The following STAU2 variants were observed in gnomAD, a reference collection of about 807,000 sequenced individuals.
The protein encoded by STAU2 is staufen double-stranded RNA binding protein 2.
STAU2 carries 20 observed loss-of-function variants against 65.9 expected under a neutral mutation model. The observed-to-expected ratio is 0.30, with a 90% CI of 0.21 to 0.44. The LOEUF is 0.44. Among genes scored for constraint, STAU2 ranks in the 20% least tolerant of loss-of-function variants. The pLI is 1.00. For synonymous variants in STAU2, 232 were observed against 233.9 expected (o/e 0.99, Z 0.07); for missense variants, 558 against 683.9 (o/e 0.82, Z 2.05).
intron 13 of STAU2, among the ~76,000 whole-genome samples, chr8:73,515,773 CTTTTTTTTTTT>C (rs75132374): frequency 0.049 from 4,496 of 91,038 alleles, 254 homozygotes; most frequent in Admixed American, 0.21. Flanking sequence ...AAAAATTTCT[CTTTTTTTTTTT>C]TTTTTTTTTT....
At chr8:73,651,891 A>T (rs1359059163) in intron 6 of STAU2, among the ~76,000 whole-genome samples, 1 of 152,206 alleles carries the variant, frequency 6.6e-6, no homozygotes, top group Non-Finnish European at 1.5e-5. Flanking sequence ...TTGTGGAGGC[A>T]CCTCTCACCC....
intron 9 of STAU2, among the ~76,000 whole-genome samples, chr8:73,608,344 A>G (rs977940128): frequency 6.6e-6 from 1 of 152,086 alleles, no homozygotes; most frequent in Non-Finnish European, 1.5e-5. Context: ...ACAGTGGCTC[A>G]CTCCTGTAAT....
At chr8:73,612,606 C>T (rs1812557472) in intron 9 of STAU2, among the ~76,000 whole-genome samples, 1 of 152,154 alleles carries the variant, frequency 6.6e-6, no homozygotes, top group African/African-American at 2.4e-5. Context: ...TTACCTACTA[C>T]ATCTTCTAAG....
At chr8:73,464,245 C>T (rs1209928606) in intron 13 of STAU2, among the ~76,000 whole-genome samples, 2 of 152,172 alleles carry the variant, frequency 1.3e-5, no homozygotes, top group African/African-American at 4.8e-5. Context: ...ACCCAATCTT[C>T]TAAGCTCACG....
intron 4 of STAU2, among the ~76,000 whole-genome samples, chr8:73,700,435 C>A (rs954627376): frequency 2.6e-5 from 4 of 151,906 alleles, no homozygotes; most frequent in Non-Finnish European, 5.9e-5. Context: ...AAGACTCCAA[C>A]AAAAAACTAT....
At chr8:73,567,704 C>T (rs983132565) in intron 12 of STAU2, among the ~76,000 whole-genome samples, 10 of 151,940 alleles carry the variant, frequency 6.6e-5, no homozygotes, top group Non-Finnish European at 1.5e-4. Flanking sequence ...TGTGCCACAC[C>T]ATGCCTGGCA....
intron 6 of STAU2, among the ~76,000 whole-genome samples, chr8:73,657,978 C>G (rs548163624): frequency 6.6e-6 from 1 of 151,976 alleles, no homozygotes; most frequent in East Asian, 1.9e-4. Context: ...TGCACCACTG[C>G]ACTCCAGCTT....
intron 13 of STAU2, among the ~76,000 whole-genome samples, chr8:73,502,597 T>C (rs1288529989): frequency 1.3e-5 from 2 of 152,110 alleles, no homozygotes; most frequent in Non-Finnish European, 2.9e-5. Flanking sequence ...TGCCTTTTAC[T>C]AAATGCGTTT....
chr8:73,473,553 G>A (rs1420454939), intron 13 of STAU2, among the ~76,000 whole-genome samples: 2 of 152,158 alleles, frequency 1.3e-5, no homozygotes, highest in Non-Finnish European at 2.9e-5. Context: ...ATGGATATGC[G>A]ATGAAGCCAG....
At chr8:73,507,091 C>G (rs778540565) in intron 13 of STAU2, among the ~76,000 whole-genome samples, 12 of 152,170 alleles carry the variant, frequency 7.9e-5, no homozygotes, top group Admixed American at 2.6e-4. Flanking sequence ...TTGGAATCAA[C>G]TTCTTCCAAA....
chr8:73,643,089 C>T (rs936818701), intron 6 of STAU2, among the ~76,000 whole-genome samples: 15 of 152,140 alleles, frequency 9.9e-5, no homozygotes, highest in Admixed American at 8.5e-4. Context: ...ACATGTCTAT[C>T]CCCGAAGTCT....
At chr8:73,514,515 A>G (rs1003667409) in intron 13 of STAU2, among the ~76,000 whole-genome samples, 1 of 152,150 alleles carries the variant, frequency 6.6e-6, no homozygotes, top group African/African-American at 2.4e-5. Flanking sequence ...TTCTATCCCC[A>G]CATATTCTTT....
chr8:73,706,524 A>G (rs1820515748), intron 4 of STAU2, among the ~76,000 whole-genome samples: 1 of 152,232 alleles, frequency 6.6e-6, no homozygotes, highest in Middle Eastern at 3.2e-3. Context: ...ACTGATAGAC[A>G]TACATGAATG....
At chr8:73,564,300 T>C (rs1586013536) in intron 12 of STAU2, among the ~76,000 whole-genome samples, 1 of 152,202 alleles carries the variant, frequency 6.6e-6, no homozygotes, top group South Asian at 2.1e-4. Context: ...TGGAATACTA[T>C]GCAGCCATAA....
chr8:73,602,278 T>C (rs1401642749), intron 10 of STAU2, among the ~76,000 whole-genome samples: 1 of 152,206 alleles, frequency 6.6e-6, no homozygotes, highest in Non-Finnish European at 1.5e-5. Context: ...ACTTAATCAA[T>C]ATGAGACACT....
intron 13 of STAU2, among the ~76,000 whole-genome samples, chr8:73,488,633 T>C (rs1310567752): frequency 2.0e-5 from 3 of 151,810 alleles, no homozygotes; most frequent in Non-Finnish European, 4.4e-5. Context: ...CACTGTTTCA[T>C]TTATGAGTTG....
chr8:73,597,241 C>T lies in STAU2; in HGVS notation c.1030-1944G>A, dbSNP rs919485400. 9.2e-5 allele frequency among the ~76,000 whole-genome samples: 14 copies of T among 151,826 alleles called. No individual in the cohort carries two copies. The East Asian group carries it at 1.2e-3, about 13-fold the overall frequency. On this transcript the variant is annotated intron_variant, in intron 10 of 14. Coordinates refer to ENST00000524300, the MANE Select transcript of STAU2 (RefSeq NM_001164380.2). ...GTAAGACTGATCAAGAAAAAAAATACGAGTTCTTCTCTGAGATGGGTATTT... is the reference window on the plus strand; with the variant it reads ...GTAAGACTGATCAAGAAAAAAAATATGAGTTCTTCTCTGAGATGGGTATTT...
At chr8:73,732,734 T>C (rs1159993504) in intron 3 of STAU2, 1 of 152,172 alleles carries the variant, frequency 6.6e-6, no homozygotes, top group African/African-American at 2.4e-5. Flanking sequence ...CAGGAGGACC[T>C]TGAAGCCAAT....
intron 13 of STAU2, among the ~76,000 whole-genome samples, chr8:73,531,353 G>A (rs116899184): frequency 0.033 from 5,020 of 152,264 alleles, 123 homozygotes; most frequent in Non-Finnish European, 0.051. Context: ...GGCAAGGCAC[G>A]GAGGAAGGGG....
Sources: allele counts gnomAD v4.1 joint callset (sites outside exome capture counted in the v4.1 genomes callset), GRCh38; gene constraint gnomAD v4.1.1; transcripts MANE v1.5; gene names NCBI Gene and HGNC (gene_info 2026-07-23, HGNC 2026-07-21).